Variants in HARS1 observed in about 807,000 individuals in gnomAD.
HARS1 encodes the protein histidine--tRNA ligase, cytoplasmic.
In HARS1, 45 loss-of-function variants were observed where a neutral mutation model predicts 63.6. The ratio of observed to expected loss-of-function variants is 0.71; its 90% CI spans 0.56 to 0.91. The LOEUF (loss-of-function observed/expected upper bound fraction) is 0.91, where lower values mean the gene tolerates loss of function less well. Among genes scored for constraint, HARS1 ranks in the 40% least tolerant of loss-of-function variants. The pLI, the probability that HARS1 is intolerant of heterozygous loss-of-function variation, is 0.00. For missense variants in HARS1, 508 were observed against 643.2 expected, an observed-to-expected ratio of 0.79 and a Z score of 2.27; for synonymous variants, 205 against 247.1, an observed-to-expected ratio of 0.83 and a Z score of 1.60.
Position 140,676,919 on chromosome 5 carries a change from A to G in HARS1, c.952-23T>C, listed in dbSNP as rs200151259. The G allele has an allele frequency of 3.9e-3, 6,242 of 1,613,220 alleles. 23 individuals carry two copies. Among genetic ancestry groups the G allele is most frequent in the Middle Eastern group, 7.6e-3 (46 of 6,060 alleles). On this transcript the variant is annotated intron_variant, in intron 9 of 12. Transcript: ENST00000504156. The surrounding 1 kb of genome is among the most constrained non-coding windows in gnomAD (Gnocchi z 4.1). ...GATCTGTGGAGATAAGAAAATGGTC[A>G]GTGCCAGATTAAGATCAGGGACCTG... is the stretch of plus-strand genomic sequence containing the variant.
At chr5:140,691,185 T>C (rs1288225020) in intron 1 of HARS1, 30 bp downstream of exon 1, 4 of 1,517,986 alleles carry the variant, frequency 2.6e-6, no homozygotes, top group Non-Finnish European at 3.6e-6. Context: ...GGCTTTGCCT[T>C]GGCCCTCTCC....
intron 2 of HARS1, chr5:140,687,470 C>T (rs1309079081): frequency 2.0e-5 from 3 of 152,000 alleles, no homozygotes; most frequent in African/African-American, 7.3e-5. Context: ...TGCTTGAACC[C>T]GGGAAGTGGA....
In HARS1 at chr5:140,684,287, C is replaced by G. The variant is rs955071193; in HGVS notation, c.181-1068G>C. 10 of 923,440 alleles carry G rather than the reference C, an allele frequency of 1.1e-5. No homozygotes were observed. In the African/African-American group the frequency reaches 1.6e-4, roughly 15 times the overall value. 57.2% of individuals were successfully genotyped at this position (923,440 alleles called of 1,614,324 possible). On this transcript the variant is annotated intron_variant, in intron 2 of 12. Coordinates refer to ENST00000504156, the MANE Select transcript of HARS1 (RefSeq NM_002109.6). ...CCTGGGAGACAGAGCAAGACTCTGTCAAAACAAAAACAAAAACAAAAACAA... is the reference window on the plus strand; with the variant it reads ...CCTGGGAGACAGAGCAAGACTCTGTGAAAACAAAAACAAAAACAAAAACAA...
intron 12 of HARS1, 65 bp from the exon 13 acceptor site, chr5:140,674,393 G>GT (rs1758228992): frequency 8.8e-7 from 1 of 1,135,524 alleles, no homozygotes; most frequent in African/African-American, 1.5e-5. Flanking sequence ...CGAGTGCCTA[G>GT]TTTCCTCTAG....
In HARS1 at chr5:140,679,230, A is replaced by T. The variant is rs1758573247; in HGVS notation, c.397-103T>A. The T allele has an allele frequency of 3.9e-6, 4 of 1,033,694 alleles. No individual in the cohort carries two copies. Among genetic ancestry groups the T allele is most frequent in the Non-Finnish European group, 5.9e-6 (4 of 683,314 alleles). 64.0% of individuals were successfully genotyped at this position (1,033,694 alleles called of 1,614,324 possible). Reference sequence around the variant, plus strand: ...GTCTAACCCCTCCCTATGTGGGTAAAACTGCCACCCATAAGATTAATAGCA... The same window carrying T: ...GTCTAACCCCTCCCTATGTGGGTAATACTGCCACCCATAAGATTAATAGCA... On this transcript the variant is annotated intron_variant, in intron 4 of 12. Transcript: ENST00000504156. This position sits in a 1 kb window ranked among gnomAD's most constrained non-coding sequence, Gnocchi z 4.3.
chr5:140,686,703 C>T (rs1368340165), intron 2 of HARS1, among the ~76,000 whole-genome samples: 3 of 151,486 alleles, frequency 2.0e-5, no homozygotes, highest in Non-Finnish European at 4.4e-5. Flanking sequence ...CAGGTTCAAG[C>T]GATTCTTGTG....
chr5:140,686,721 T>C (rs1089305), intron 2 of HARS1, among the ~76,000 whole-genome samples: 65,168 of 151,512 alleles, frequency 0.43, 14,233 homozygotes, highest in East Asian at 0.46. Context: ...GTGCCTTAGC[T>C]TCCCTAGTAG....
At chr5:140,674,450 A>ATGTTC (rs1758233394) in intron 12 of HARS1, 122 bp from the exon 13 acceptor site, 17 of 838,250 alleles carry the variant, frequency 2.0e-5, no homozygotes, top group Admixed American at 4.0e-5. Flanking sequence ...GAACCTAATT[A>ATGTTC]AACACCTCAG....
chr5:140,674,652 C>T, intron 12 of HARS1, 27 bp downstream of exon 12: 1 of 1,613,906 alleles, frequency 6.2e-7, no homozygotes, highest in South Asian at 1.1e-5. Context: ...TTCTCTGTCC[C>T]TTAGCCTTCC....
chr5:140,675,603 C>T (rs1348748807), intron 10 of HARS1: 1 of 151,726 alleles, frequency 6.6e-6, no homozygotes, highest in Non-Finnish European at 1.5e-5. Context: ...AGGGTCTCAT[C>T]ATGTTGCCCA....
rs182106891 is a variant in HARS1, at chr5:140,686,451, C to T, written c.181-3232G>A. 2.5e-3 allele frequency among the ~76,000 whole-genome samples: 381 copies of T among 152,246 alleles called. 2 individuals are homozygous for T. Among genetic ancestry groups the T allele is most frequent in the African/African-American group, 8.8e-3 (367 of 41,552 alleles). On this transcript the variant is annotated intron_variant, in intron 2 of 12. Coordinates refer to ENST00000504156, the MANE Select transcript of HARS1 (RefSeq NM_002109.6). Reference sequence around the variant, plus strand: ...ACAGCGTTTCACCATGTTGGCTAGGCTGGTCTCAAACTCCCGACCTCAGGT... The same window carrying T: ...ACAGCGTTTCACCATGTTGGCTAGGTTGGTCTCAAACTCCCGACCTCAGGT...
At chr5:140,677,150 G>C in intron 8 of HARS1, 34 bp from the exon 9 acceptor site, 1 of 1,608,398 alleles carries the variant, frequency 6.2e-7, no homozygotes, top group Non-Finnish European at 8.5e-7. Flanking sequence ...AGGCTGACAA[G>C]GAAACAAAAA....
chr5:140,690,721 C>T lies in HARS1; in HGVS notation c.180+134G>A, dbSNP rs899334042. 1.4e-5 allele frequency: 9 copies of T among 665,170 alleles called. No individual in the cohort carries two copies. In the Admixed American group the frequency reaches 1.6e-4, roughly 12 times the overall value. The allele number at this position is 665,170 out of a possible 1,614,324, so 41.2% of individuals were successfully genotyped here. ...TCAGGTAGAGTCCAGTCCAGCCCAG[C>T]GCCCAGAGCGACTGTCCTCTCCTCT... is the stretch of plus-strand genomic sequence containing the variant. On this transcript the variant is annotated intron_variant, in intron 2 of 12. Coordinates refer to ENST00000504156, the MANE Select transcript of HARS1 (RefSeq NM_002109.6).
At chr5:140,678,968 A>G (rs756983917) in intron 5 of HARS1, 34 bp downstream of exon 5, 10 of 1,609,402 alleles carry the variant, frequency 6.2e-6, no homozygotes, top group Non-Finnish European at 8.5e-6. Context: ...AGCCCCAAGT[A>G]ACTCATCCTG....
Position 140,676,596 on chromosome 5 carries a change from G to C in HARS1, c.1194+58C>G, listed in dbSNP as rs1250355605. 3.2e-6 allele frequency: 5 copies of C among 1,569,052 alleles called. No individual in the cohort carries two copies. Among genetic ancestry groups the C allele is most frequent in the Non-Finnish European group, 4.4e-6 (5 of 1,147,954 alleles). On this transcript the variant is annotated intron_variant, in intron 10 of 12. Transcript: ENST00000504156. This position sits in a 1 kb window ranked among gnomAD's most constrained non-coding sequence, Gnocchi z 4.1. ...GCACCACTTGCTCCCTTGGAGATCA[G>C]ATAGCTTAGGTGCCACCACCTGCTC... is the stretch of plus-strand genomic sequence containing the variant.
chr5:140,690,111 G>A (rs554534794), intron 2 of HARS1, among the ~76,000 whole-genome samples: 1 of 152,220 alleles, frequency 6.6e-6, no homozygotes, highest in South Asian at 2.1e-4. Flanking sequence ...TTTTCTCAGA[G>A]CAACCTTAAT....
chr5:140,680,251 A>C (rs1758645221), intron 3 of HARS1, among the ~76,000 whole-genome samples: 1 of 151,082 alleles, frequency 6.6e-6, no homozygotes, highest in African/African-American at 2.4e-5. Context: ...GGTTCAAGAG[A>C]TTCTCCTGCC....
At chr5:140,677,139 G>T in intron 8 of HARS1, 23 bp from the exon 9 acceptor site, 1 of 1,612,924 alleles carries the variant, frequency 6.2e-7, no homozygotes. Flanking sequence ...ACTTGTGAGT[G>T]AGGCTGACAA....
chr5:140,686,839 C>T (rs531725682), intron 2 of HARS1, among the ~76,000 whole-genome samples: 8 of 152,110 alleles, frequency 5.3e-5, no homozygotes, highest in Non-Finnish European at 1.0e-4. Context: ...GTGATCCGCC[C>T]GCCTTGGTCT....
Sources: allele counts gnomAD v4.1 joint callset (sites outside exome capture counted in the v4.1 genomes callset), GRCh38; gene constraint gnomAD v4.1.1; non-coding constraint Gnocchi (gnomAD v3.1); transcripts MANE v1.5; gene names NCBI Gene and HGNC (gene_info 2026-07-23, HGNC 2026-07-21).